DCLK2: variants seen among roughly 807,000 people sequenced by gnomAD.
DCLK2 encodes serine/threonine-protein kinase DCLK2.
Under a neutral mutation model 78.4 loss-of-function variants are expected in DCLK2, and 31 were observed. That is an observed-to-expected ratio of 0.40 (90% CI 0.30 to 0.53). The LOEUF is 0.53. DCLK2 is among the 20% of genes least tolerant of loss of function. The pLI is 0.61. For synonymous variants in DCLK2, 407 were observed against 374.9 expected (o/e 1.09, Z -0.99); for missense variants, 872 against 973.7 (o/e 0.90, Z 1.39).
At chr4:150,185,226 G>A (rs1333558853) in intron 2 of DCLK2, among the ~76,000 whole-genome samples, 3 of 152,078 alleles carry the variant, frequency 2.0e-5, no homozygotes, top group Non-Finnish European at 4.4e-5. Flanking sequence ...CCAAGGTGGG[G>A]AAAGCCCCTT....
At chr4:150,215,264 G>T (rs1168767803) in intron 5 of DCLK2, among the ~76,000 whole-genome samples, 2 of 152,106 alleles carry the variant, frequency 1.3e-5, no homozygotes, top group African/African-American at 4.8e-5. Flanking sequence ...CAGTTCTATA[G>T]CAGACACTAG....
At chr4:150,157,935 C>CT (rs1315620220) in intron 2 of DCLK2, among the ~76,000 whole-genome samples, 1 of 152,148 alleles carries the variant, frequency 6.6e-6, no homozygotes, top group Non-Finnish European at 1.5e-5. Context: ...GGCCCAGAAT[C>CT]TTTTAATTTT....
intron 2 of DCLK2, among the ~76,000 whole-genome samples, chr4:150,177,821 C>T (rs1342809967): frequency 6.6e-6 from 1 of 152,092 alleles, no homozygotes; most frequent in Admixed American, 6.5e-5. Flanking sequence ...GGACACATAC[C>T]TCTATAATAT....
At chr4:150,110,360 T>A (rs1731584753) in intron 2 of DCLK2, among the ~76,000 whole-genome samples, 1 of 152,204 alleles carries the variant, frequency 6.6e-6, no homozygotes, top group Admixed American at 6.5e-5. Context: ...ATCACAATAT[T>A]AATTTTGTTA....
intron 2 of DCLK2, among the ~76,000 whole-genome samples, chr4:150,123,680 TA>T (rs770389021): frequency 2.6e-5 from 4 of 152,118 alleles, no homozygotes; most frequent in Admixed American, 6.5e-5. Context: ...TGAAGTGCAG[TA>T]AAGTGAAGTG....
intron 8 of DCLK2, among the ~76,000 whole-genome samples, chr4:150,226,237 T>TC (rs1425010019): frequency 2.0e-5 from 3 of 151,798 alleles, no homozygotes; most frequent in African/African-American, 7.3e-5. Flanking sequence ...TTTTTTTTTT[T>TC]TTTTAACCAC....
chr4:150,179,905 G>A (rs1737380068), intron 2 of DCLK2, among the ~76,000 whole-genome samples: 1 of 151,652 alleles, frequency 6.6e-6, no homozygotes, highest in South Asian at 2.1e-4. Flanking sequence ...ATGGGAGATT[G>A]GCCTAAACTT....
chr4:150,192,429 G>A (rs887465022), intron 2 of DCLK2, among the ~76,000 whole-genome samples: 12 of 129,976 alleles, frequency 9.2e-5, no homozygotes, highest in Non-Finnish European at 1.7e-4. Context: ...GCAGTGAGCC[G>A]AAATCGCACC....
rs146640655 is a variant in DCLK2, at chr4:150,196,385, T to C, written c.860-1617T>C. ...TTTCAACAGTCGGATACTTTTAACA[T>C]CCACAATGCTAATTAAGCAAAAATT... is the stretch of plus-strand genomic sequence containing the variant. On this transcript the variant is annotated intron_variant, in intron 3 of 15. Transcript: ENST00000296550. Among the ~76,000 whole-genome samples the C allele has an allele frequency of 6.0e-3, 921 of 152,322 alleles. 14 individuals carry two copies. The highest frequency in any genetic ancestry group is 0.021 in the African/African-American group (866 of 41,560).
rs553926444 is a variant in DCLK2 at position 150,139,906 on chromosome 4, A to G, written c.756+37094A>G. ...TATATGCAATTAATTTTGTTTGCCTATTTTCTATCCAAATGACATGGTTGG... is the reference window on the plus strand; with the variant it reads ...TATATGCAATTAATTTTGTTTGCCTGTTTTCTATCCAAATGACATGGTTGG... On this transcript the variant is annotated intron_variant, in intron 2 of 15. Transcript: ENST00000296550. Among the ~76,000 whole-genome samples the G allele has an allele frequency of 1.2e-4, 19 of 152,256 alleles. 1 individual carries two copies. The highest frequency in any genetic ancestry group is 1.3e-4 in the Admixed American group (2 of 15,294).
chr4:150,190,053 G>GAAAAAAAAAAAAAAAAAAAAAAAAAAAAA lies in DCLK2; in HGVS notation c.757-3085_757-3084insAAAAAAAAAAAAAAAAAAAAAAAAAAAAA, dbSNP rs1378760105. Among the ~76,000 whole-genome samples, 3 of 12,958 alleles carry GAAAAAAAAAAAAAAAAAAAAAAAAAAAAA rather than the reference G, an allele frequency of 2.3e-4. 1 individual carries two copies. Among genetic ancestry groups the GAAAAAAAAAAAAAAAAAAAAAAAAAAAAA allele is most frequent in the Non-Finnish European group, 8.6e-4 (3 of 3,500 alleles). 8.5% of individuals were successfully genotyped at this position (12,958 alleles called of 152,430 possible). A position where few individuals can be genotyped will look rare whatever the true frequency, so the allele number is the denominator to read the frequency against. The stretch of plus-strand genomic sequence containing the variant: ...CTGTCTCAAAAAAAAAAAAAAAAAG[G>GAAAAAAAAAAAAAAAAAAAAAAAAAAAAA]CCAAGTGTGGTGGCTGTGGTCCCAG... On this transcript the variant is annotated intron_variant, in intron 2 of 15. Coordinates refer to ENST00000296550, the MANE Select transcript of DCLK2 (RefSeq NM_001040260.4).
At chr4:150,089,182 C>CT (rs752754628) in intron 1 of DCLK2, among the ~76,000 whole-genome samples, 16 of 152,298 alleles carry the variant, frequency 1.1e-4, no homozygotes, top group Admixed American at 2.0e-4. Context: ...ATCATCACCT[C>CT]TTTTTTGGAT....
At chr4:150,176,048 G>A (rs1255176068) in intron 2 of DCLK2, among the ~76,000 whole-genome samples, 1 of 152,168 alleles carries the variant, frequency 6.6e-6, no homozygotes, top group African/African-American at 2.4e-5. Flanking sequence ...AATTTATTGC[G>A]GAAGTAACAT....
intron 5 of DCLK2, among the ~76,000 whole-genome samples, chr4:150,207,362 T>C (rs1739916744): frequency 6.6e-6 from 1 of 152,226 alleles, no homozygotes; most frequent in Admixed American, 6.5e-5. Context: ...TCACCGTTTT[T>C]CCCTCTTTGT....
chr4:150,219,342 C>G (rs553716436), intron 5 of DCLK2, among the ~76,000 whole-genome samples: 15 of 140,442 alleles, frequency 1.1e-4, no homozygotes, highest in African/African-American at 3.9e-4. Context: ...GATCTCAGCT[C>G]ACTGCAACCT....
intron 7 of DCLK2, among the ~76,000 whole-genome samples, chr4:150,222,552 C>T (rs796246652): frequency 4.6e-5 from 7 of 152,168 alleles, no homozygotes; most frequent in African/African-American, 1.7e-4. Context: ...TGTTTAAGAT[C>T]ACAATCAGGC....
At chr4:150,082,852 G>A (rs1729404029) in intron 1 of DCLK2, among the ~76,000 whole-genome samples, 1 of 152,048 alleles carries the variant, frequency 6.6e-6, no homozygotes, top group Admixed American at 6.6e-5. Flanking sequence ...TGAGCGTTTG[G>A]TCTTCTCTCC....
At chr4:150,105,189 A>G (rs1343407335) in intron 2 of DCLK2, among the ~76,000 whole-genome samples, 4 of 152,298 alleles carry the variant, frequency 2.6e-5, no homozygotes, top group Non-Finnish European at 4.4e-5. Context: ...AAATGGGAAC[A>G]GATTTTCTAA....
At chr4:150,131,687 T>G (rs1336276542) in intron 2 of DCLK2, among the ~76,000 whole-genome samples, 4 of 152,120 alleles carry the variant, frequency 2.6e-5, no homozygotes, top group Non-Finnish European at 4.4e-5. Context: ...TCAAAAGCTC[T>G]TTTTATTAGA....
Sources: gnomAD v4.1 joint callset for allele counts (sites outside exome capture counted in the v4.1 genomes callset) on GRCh38, gnomAD v4.1.1 for gene constraint, MANE v1.5 for transcripts, NCBI Gene and HGNC (gene_info 2026-07-23, HGNC 2026-07-21) for gene names.